DNMT3B: variants seen among roughly 807,000 people sequenced by gnomAD.
DNMT3B encodes the protein DNA (cytosine-5)-methyltransferase 3B.
Under a neutral mutation model 120.2 loss-of-function variants are expected in DNMT3B, and 37 were observed. The observed-to-expected ratio is 0.31, with a 90% CI of 0.24 to 0.40. The LOEUF (loss-of-function observed/expected upper bound fraction) is 0.40, where lower values mean the gene tolerates loss of function less well. DNMT3B is among the 10% of genes least tolerant of loss of function. The probability of loss-of-function intolerance (pLI) is 1.00; values close to 1 mark genes in which losing one functional copy is unlikely to be tolerated. For missense variants in DNMT3B, 878 were observed against 1,137.3 expected, an observed-to-expected ratio of 0.77 and a Z score of 3.28; for synonymous variants, 412 against 442.8, an observed-to-expected ratio of 0.93 and a Z score of 0.87.
At chr20:32,802,779 C>T (rs574770070) in intron 20 of DNMT3B, among the ~76,000 whole-genome samples, 8 of 152,276 alleles carry the variant, frequency 5.3e-5, no homozygotes, top group Admixed American at 3.9e-4. Flanking sequence ...GCTGGAGGAT[C>T]GCTTGAGCCC....
intron 1 of DNMT3B, among the ~76,000 whole-genome samples, chr20:32,773,147 C>T (rs1246843092): frequency 6.6e-6 from 1 of 151,530 alleles, no homozygotes; most frequent in Non-Finnish European, 1.5e-5. Context: ...GAGCCTGAGC[C>T]TGTACTGTTG....
At chr20:32,769,514 C>T (rs1431027735) in intron 1 of DNMT3B, among the ~76,000 whole-genome samples, 9 of 152,184 alleles carry the variant, frequency 5.9e-5, no homozygotes, top group African/African-American at 2.2e-4. Flanking sequence ...GACTGTTTTA[C>T]AGGCCTGCTT....
At chr20:32,793,784 C>A (rs1980276682) in intron 10 of DNMT3B, among the ~76,000 whole-genome samples, 189 bp downstream of exon 10, 1 of 152,156 alleles carries the variant, frequency 6.6e-6, no homozygotes, top group Admixed American at 6.5e-5. Context: ...GCACATCCTT[C>A]CAGATTTTTC....
At chr20:32,803,093 G>T (rs988758997) in intron 20 of DNMT3B, among the ~76,000 whole-genome samples, 9 of 152,138 alleles carry the variant, frequency 5.9e-5, no homozygotes, top group African/African-American at 1.9e-4. Flanking sequence ...ACAAACAATA[G>T]CCCAAAGACT....
chr20:32,763,410 G>T lies in DNMT3B; in HGVS notation c.-7+711G>T, dbSNP rs1419470643. On this transcript the variant is annotated intron_variant, in intron 1 of 22. Transcript: ENST00000328111. Reference sequence around the variant, plus strand: ...CCCTCTGCCTGTGCACACCTGGCCCGGGAGGAGCCGGCCGGAGGGGCGGCG... The same window carrying T: ...CCCTCTGCCTGTGCACACCTGGCCCTGGAGGAGCCGGCCGGAGGGGCGGCG... Among the ~76,000 whole-genome samples the T allele has an allele frequency of 5.3e-5, 8 of 152,318 alleles. No individual in the cohort carries two copies. In the East Asian group the frequency reaches 1.5e-3, roughly 29 times the overall value.
chr20:32,780,754 T>C (rs1003522), intron 2 of DNMT3B, among the ~76,000 whole-genome samples: 90,868 of 151,900 alleles, frequency 0.6, 30,085 homozygotes, highest in East Asian at 0.99. Context: ...CATGGGCCCT[T>C]GGAGAGCCCT....
intron 1 of DNMT3B, among the ~76,000 whole-genome samples, chr20:32,772,671 G>GTA (rs1419256527): frequency 2.6e-5 from 4 of 152,030 alleles, no homozygotes; most frequent in Non-Finnish European, 5.9e-5. Context: ...TGTGATTTCT[G>GTA]TATAAAGGGC....
chr20:32,778,322 C>T (rs1269767858), intron 1 of DNMT3B, among the ~76,000 whole-genome samples: 1 of 151,364 alleles, frequency 6.6e-6, no homozygotes, highest in Non-Finnish European at 1.5e-5. Context: ...GCGGAGGTCG[C>T]ACCACTGCAC....
chr20:32,803,460 A>C lies in DNMT3B; in HGVS notation c.2231+990A>C, dbSNP rs190127759. ...TGTACTTGGCTAAGCAGCCAGTCTT[A>C]GGGTGCCATGTCTGTGTCTGGAATT... On this transcript the variant is annotated intron_variant, in intron 20 of 22. Coordinates refer to ENST00000328111, the MANE Select transcript of DNMT3B (RefSeq NM_006892.4). 3.9e-5 allele frequency among the ~76,000 whole-genome samples: 6 copies of C among 152,342 alleles called. No individual in the cohort carries two copies. The East Asian group carries it at 9.6e-4, about 24-fold the overall frequency.
rs1980484187 is a variant in DNMT3B, at chr20:32,795,420, CGAA to C, written c.1141_1143del (p.Arg382del). 3 of 1,613,928 alleles carry C rather than the reference CGAA, an allele frequency of 1.9e-6. No individual in the cohort carries two copies. The highest frequency in any genetic ancestry group is 2.5e-6 in the Non-Finnish European group (3 of 1,179,996). ...ATTACCTTTCACAGAGAACAAGACT[CGAA>C]GACGCACAGCTGACGACTCAGCCAC... On this transcript the variant is annotated inframe_deletion, in exon 11 of 23. Coordinates refer to ENST00000328111, the MANE Select transcript of DNMT3B (RefSeq NM_006892.4).
Position 32,805,405 on chromosome 20 carries a change from A to G in DNMT3B, c.2299A>G (p.Lys767Glu), listed in dbSNP as rs1981855565. ...CTGCTTGGAATACAATAGGATAGCC[A>G]AGGTAAGACGAGCTGTGGCCCTCTG... is the stretch of plus-strand genomic sequence containing the variant. ...QDCLEYNRIA[K>E]LKKVQTITTK... Residue 767 changes from lysine (K) to glutamate (E), a missense_variant and splice_region_variant, in exon 21 of 23, where the codon AAG (lysine) becomes GAG (glutamate). This residue lies in a region of DNMT3B where 334 missense variants were observed against 518.8 expected (regional missense o/e 0.64). Transcript: ENST00000328111. 1 of 1,614,062 alleles carries G rather than the reference A, an allele frequency of 6.2e-7. No individual in the cohort carries two copies. The highest frequency in any genetic ancestry group is 1.1e-5 in the South Asian group (1 of 91,080).
intron 1 of DNMT3B, among the ~76,000 whole-genome samples, chr20:32,769,461 T>TG (rs988612738): frequency 1.3e-5 from 2 of 152,134 alleles, no homozygotes; most frequent in African/African-American, 2.4e-5. Context: ...ACACACAAGA[T>TG]GCGCTGGGTT....
rs1298344933 is a variant in DNMT3B, at chr20:32,809,142, GTT to G, written c.*1242_*1243del. On this transcript the variant is annotated 3_prime_UTR_variant, in exon 23 of 23. Transcript: ENST00000328111. ...GTAGAATAAGGAACAACGTTGACAA[GTT>G]TTGTGGGGCTTTTTATACACTTTTT... The G allele has an allele frequency of 4.6e-6, 1 of 215,272 alleles. No homozygotes were observed. The highest frequency in any genetic ancestry group is 9.4e-6 in the Non-Finnish European group (1 of 106,518). The allele number at this position is 215,272 out of a possible 1,614,324, so 13.3% of individuals were successfully genotyped here.
chr20:32,799,729 G>T (rs1981087577), intron 16 of DNMT3B, among the ~76,000 whole-genome samples: 1 of 152,082 alleles, frequency 6.6e-6, no homozygotes, highest in Non-Finnish European at 1.5e-5. Context: ...CGTTGGTCAG[G>T]TTGGTCTCGA....
chr20:32,771,891 G>A (rs17123571), intron 1 of DNMT3B, among the ~76,000 whole-genome samples: 3,496 of 152,212 alleles, frequency 0.023, 127 homozygotes, highest in African/African-American at 0.078. Context: ...TATGTTTTCC[G>A]ATTGTAAAAG....
chr20:32,805,487 A>C, intron 21 of DNMT3B, 80 bp downstream of exon 21: 1 of 1,558,158 alleles, frequency 6.4e-7, no homozygotes, highest in Non-Finnish European at 8.8e-7. Flanking sequence ...TTGGTGTTTG[A>C]TTGGTTCCTA....
At chr20:32,782,786 G>C (rs907250674) in intron 3 of DNMT3B, among the ~76,000 whole-genome samples, 11 of 152,266 alleles carry the variant, frequency 7.2e-5, no homozygotes, top group African/African-American at 2.6e-4. Flanking sequence ...CAGCCATGGG[G>C]GGTCTTGCAT....
intron 3 of DNMT3B, among the ~76,000 whole-genome samples, chr20:32,784,334 A>G (rs956128661): frequency 2.0e-5 from 3 of 152,164 alleles, no homozygotes; most frequent in Non-Finnish European, 2.9e-5. Flanking sequence ...CACACCCTGC[A>G]TATTATTTGA....
At chr20:32,775,156 C>T (rs2145879498) in intron 1 of DNMT3B, among the ~76,000 whole-genome samples, 2 of 152,302 alleles carry the variant, frequency 1.3e-5, no homozygotes, top group South Asian at 4.1e-4. Context: ...CTGCACCTGG[C>T]CCTAGATTTC....
Sources: gnomAD v4.1 joint callset for allele counts (sites outside exome capture counted in the v4.1 genomes callset) on GRCh38, gnomAD v4.1.1 for gene constraint, gnomAD v4.1.1 regional missense constraint, MANE v1.5 for transcripts, NCBI Gene and HGNC (gene_info 2026-07-23, HGNC 2026-07-21) for gene names.